BCL6: variants seen among roughly 807,000 people sequenced by gnomAD.
The protein encoded by BCL6 is B-cell lymphoma 6 protein.
In BCL6, 7 loss-of-function variants were observed where a neutral mutation model predicts 59.5. The ratio of observed to expected loss-of-function variants is 0.12; its 90% CI spans 0.07 to 0.22. The LOEUF (loss-of-function observed/expected upper bound fraction) is 0.22. Ranked by LOEUF, BCL6 falls within the 10% of genes least tolerant of loss-of-function variation. The pLI, the probability that BCL6 is intolerant of heterozygous loss-of-function variation, is 1.00. For missense variants in BCL6, 685 were observed against 939.4 expected, an observed-to-expected ratio of 0.73 and a Z score of 3.54; for synonymous variants, 339 against 349.7, an observed-to-expected ratio of 0.97 and a Z score of 0.34.
intron 1 of BCL6, among the ~76,000 whole-genome samples, chr3:187,744,162 G>C (rs1711754329): frequency 6.6e-6 from 1 of 152,276 alleles, no homozygotes; most frequent in African/African-American, 2.4e-5. Flanking sequence ...GGAGGCAACA[G>C]CCATTGGGAG....
At chr3:187,743,185 A>G (rs1459254136) in intron 1 of BCL6, among the ~76,000 whole-genome samples, 1 of 152,108 alleles carries the variant, frequency 6.6e-6, no homozygotes, top group Admixed American at 6.5e-5. Flanking sequence ...CTTTTTTTAA[A>G]ATCCAGACTG....
intron 6 of BCL6, 101 bp from the exon 7 acceptor site, chr3:187,726,999 C>A (rs1718739396): frequency 1.5e-6 from 2 of 1,338,630 alleles, no homozygotes; most frequent in South Asian, 1.3e-5. Flanking sequence ...CCAAACTGAA[C>A]TCTCAGTCCC....
chr3:187,729,432 G>T lies in BCL6; in HGVS notation c.973C>A (p.Arg325=). Residue 325 remains arginine, a synonymous_variant, in exon 5 of 10, where the codon CGG becomes AGG. Coordinates refer to ENST00000406870, the MANE Select transcript of BCL6 (RefSeq NM_001706.5). This position sits in a 1 kb window ranked among gnomAD's most constrained non-coding sequence, Gnocchi z 5.6. ...CTCTGTGGACTAACCAGACCCTTCC[G>T]GTTCAGGGGTGCATTGGGGGGCTCG... is the stretch of plus-strand genomic sequence containing the variant. ...HFEPPNAPLN[R]KGLVSPQSPQ... 1 of 1,610,206 alleles carries T rather than the reference G, an allele frequency of 6.2e-7. No homozygotes were observed.
At chr3:187,744,200 A>G (rs2108483069) in intron 1 of BCL6, among the ~76,000 whole-genome samples, 1 of 152,312 alleles carries the variant, frequency 6.6e-6, no homozygotes, top group African/African-American at 2.4e-5. Flanking sequence ...AGCGCCCAAA[A>G]TACAAACACC....
rs1463632569 is a variant in BCL6 at position 187,729,632 on chromosome 3, A to G, written c.773T>C (p.Ile258Thr). 6.2e-7 allele frequency: 1 copy of G among 1,614,026 alleles called. No homozygotes were observed. The highest frequency in any genetic ancestry group is 2.2e-5 in the East Asian group (1 of 44,862). ...TGGGATTGTTTCCTTGGGTGAATAG[A>G]TATTGCTGTGGCACACATTGGGGGA... The part of the protein sequence containing the change: ...EVSPNVCHSN[I>T]YSPKETIPEE... Residue 258 changes from isoleucine to threonine, a missense_variant, in exon 5 of 10, where the codon ATC becomes ACC. Coordinates refer to ENST00000406870, the MANE Select transcript of BCL6 (RefSeq NM_001706.5). The surrounding 1 kb of genome is among the most constrained non-coding windows in gnomAD (Gnocchi z 5.6).
intron 6 of BCL6, 45 bp downstream of exon 6, chr3:187,728,315 G>T: frequency 2.0e-6 from 3 of 1,508,242 alleles, no homozygotes; most frequent in Non-Finnish European, 2.7e-6. Flanking sequence ...GGAGCAGAGG[G>T]GCCTTCCTTC....
chr3:187,730,355 A>C (rs1325024469), intron 4 of BCL6, among the ~76,000 whole-genome samples: 1 of 152,246 alleles, frequency 6.6e-6, no homozygotes, highest in Non-Finnish European at 1.5e-5. Context: ...TAGCTCACAT[A>C]AAACTTTCAA....
intron 1 of BCL6, 124 bp downstream of exon 1, chr3:187,745,286 G>T (rs1576886756): frequency 2.5e-6 from 1 of 393,148 alleles, no homozygotes; most frequent in Non-Finnish European, 4.5e-6. Flanking sequence ...GGCAAGAGCG[G>T]AAAAAAAAAG....
intron 1 of BCL6, among the ~76,000 whole-genome samples, chr3:187,738,158 A>G (rs1204838213): frequency 6.6e-6 from 1 of 152,212 alleles, no homozygotes; most frequent in Non-Finnish European, 1.5e-5. Flanking sequence ...TCTAGAACCC[A>G]GGAGTTCGAA....
intron 1 of BCL6, among the ~76,000 whole-genome samples, chr3:187,744,000 A>C (rs1579830980): frequency 1.3e-5 from 2 of 152,220 alleles, no homozygotes; most frequent in Admixed American, 6.5e-5. Flanking sequence ...TCTTGCACAT[A>C]AGGAACGCGG....
rs976588741 is a variant in BCL6 at position 187,730,000 on chromosome 3, G to A, written c.405C>T (p.Ala135=). 6.4e-7 allele frequency: 1 copy of A among 1,572,882 alleles called. No individual in the cohort carries two copies. The change falls in exon 5 of 10, where the codon GCC becomes GCT. Residue 135 remains alanine, a synonymous_variant. Coordinates refer to ENST00000406870, the MANE Select transcript of BCL6 (RefSeq NM_001706.5). This position sits in a 1 kb window ranked among gnomAD's most constrained non-coding sequence, Gnocchi z 5.6. ...GGAACTCTTCACGAGGAGGCTTGAT[G>A]GCAGAAACCATCTCTGCTTCACTGT... is the stretch of plus-strand genomic sequence containing the variant. ...IKASEAEMVS[A]IKPPREEFLN... is the part of the protein sequence containing the mutation.
chr3:187,729,214 C>G lies in BCL6; in HGVS notation c.1191G>C (p.Gln397His), dbSNP rs142017472. ...GTGGGGAAAGGCGGCCCAGCTCAGC[C>G]TGCTCAGGCCCCTCTGGTTTGGCAT... ...NQNAKPEGPE[Q>H]AELGRLSPRA... The change falls in exon 5 of 10, where the codon CAG becomes CAC. Residue 397 changes from glutamine to histidine, a missense_variant. Gln to His is a conservative substitution (Grantham distance 24). Transcript: ENST00000406870. This position sits in a 1 kb window ranked among gnomAD's most constrained non-coding sequence, Gnocchi z 5.6. 682 of 1,613,994 alleles carry G rather than the reference C, an allele frequency of 4.2e-4. 3 individuals are homozygous for G. Among genetic ancestry groups the G allele is most frequent in the Middle Eastern group, 1.5e-3 (9 of 6,060 alleles).
At chr3:187,744,929 C>A (rs141121461) in intron 1 of BCL6, among the ~76,000 whole-genome samples, 1 of 152,162 alleles carries the variant, frequency 6.6e-6, no homozygotes, top group African/African-American at 2.4e-5. Context: ...AGCGCGCGTC[C>A]TCTCCGCGGT....
At chr3:187,744,597 C>G in intron 1 of BCL6, among the ~76,000 whole-genome samples, 1 of 152,006 alleles carries the variant, frequency 6.6e-6, no homozygotes, top group East Asian at 1.9e-4. Context: ...AACAAAAACC[C>G]AAAGAGTTCG....
At chr3:187,739,936 A>C (rs1170474573) in intron 1 of BCL6, among the ~76,000 whole-genome samples, 2 of 152,200 alleles carry the variant, frequency 1.3e-5, no homozygotes, top group Non-Finnish European at 2.9e-5. Context: ...CGATGAGTCA[A>C]ACTTGACCGC....
rs139226947 is a variant in BCL6, at chr3:187,745,340, C to A, written c.-50+70G>T. 212 of 401,294 alleles carry A rather than the reference C, an allele frequency of 5.3e-4. 6 individuals are homozygous for A. In the East Asian group the frequency reaches 7.0e-3, roughly 13 times the overall value. The allele number at this position is 401,294 out of a possible 1,614,324, so 24.9% of individuals were successfully genotyped here. A position where few individuals can be genotyped will look rare whatever the true frequency, so the allele number is the denominator to read the frequency against. On this transcript the variant is annotated intron_variant, in intron 1 of 9. Transcript: ENST00000406870. ...TGATCATGAGCAGCGGCGGCGGCAG[C>A]GGCACCAGCGGCAACAGCGGCGGCG... is the stretch of plus-strand genomic sequence containing the variant.
At position 187,725,258 on chromosome 3, in the gene BCL6, C is replaced by G. The variant is rs1184896619; in HGVS notation, c.1840-180G>C. On this transcript the variant is annotated intron_variant, in intron 8 of 9. Coordinates refer to ENST00000406870, the MANE Select transcript of BCL6 (RefSeq NM_001706.5). This position sits in a 1 kb window ranked among gnomAD's most constrained non-coding sequence, Gnocchi z 4.7. ...GCTCACCTGCCCACTCCTCTGCTCACCTGCCCACTCTGCTCACCTACCCGC... is the reference window on the plus strand; with the variant it reads ...GCTCACCTGCCCACTCCTCTGCTCAGCTGCCCACTCTGCTCACCTACCCGC... Among the ~76,000 whole-genome samples the G allele has an allele frequency of 6.6e-6, 1 of 151,794 alleles. No homozygotes were observed. The highest frequency in any genetic ancestry group is 1.5e-5 in the Non-Finnish European group (1 of 67,932).
Position 187,722,471 on chromosome 3 carries a change from G to A in BCL6, c.2108C>T (p.Pro703Leu), listed in dbSNP as rs1224498201. 2.5e-6 allele frequency: 4 copies of A among 1,612,902 alleles called. No homozygotes were observed. Among genetic ancestry groups the A allele is most frequent in the Non-Finnish European group, 3.4e-6 (4 of 1,179,830 alleles). ...ACACTCCATGCTTCAGCAGGCTTTGGGGAGCTCCGGAGGCAGGTCAGTGGC... is the reference window on the plus strand; with the variant it reads ...ACACTCCATGCTTCAGCAGGCTTTGAGGAGCTCCGGAGGCAGGTCAGTGGC... ...VSATDLPPEL[P>L]KAC The change falls in exon 10 of 10, where the codon CCC (proline) becomes CTC (leucine). Residue 703 changes from proline (P) to leucine (L), a missense_variant. Pro to Leu is a moderately conservative substitution (Grantham distance 98). Transcript: ENST00000406870.
chr3:187,721,454 G>A lies in BCL6; in HGVS notation c.*1004C>T, dbSNP rs1718407273. Reference sequence around the variant, plus strand: ...AACGCGGTAATGCAGTTTAGACACAGCCAAACCCTGTCTCCGGAGTAGTTA... The same window carrying A: ...AACGCGGTAATGCAGTTTAGACACAACCAAACCCTGTCTCCGGAGTAGTTA... On this transcript the variant is annotated 3_prime_UTR_variant, in exon 10 of 10. Transcript: ENST00000406870. The surrounding 1 kb of genome is among the most constrained non-coding windows in gnomAD (Gnocchi z 4.2). The A allele has an allele frequency of 1.3e-5, 3 of 232,438 alleles. No homozygotes were observed. The highest frequency in any genetic ancestry group is 2.6e-5 in the Non-Finnish European group (3 of 117,302). The allele number at this position is 232,438 out of a possible 1,614,324, so 14.4% of individuals were successfully genotyped here.
Sources: allele counts gnomAD v4.1 joint callset (sites outside exome capture counted in the v4.1 genomes callset), GRCh38; gene constraint gnomAD v4.1.1; non-coding constraint Gnocchi (gnomAD v3.1); transcripts MANE v1.5; gene names NCBI Gene and HGNC (gene_info 2026-07-23, HGNC 2026-07-21).